RIMBP2: variants seen among roughly 807,000 people sequenced by gnomAD.
RIMBP2 encodes the protein RIMS binding protein 2.
Under a neutral mutation model 118.6 loss-of-function variants are expected in RIMBP2, and 48 were observed. The ratio of observed to expected loss-of-function variants is 0.40; its 90% CI spans 0.32 to 0.51. The LOEUF (loss-of-function observed/expected upper bound fraction) is 0.51. RIMBP2 is among the 20% of genes least tolerant of loss of function. The pLI is 0.41. For synonymous variants in RIMBP2, 762 were observed against 742.9 expected (o/e 1.03, Z -0.42); for missense variants, 1,551 against 1,768.3 (o/e 0.88, Z 2.20).
intron 5 of RIMBP2, among the ~76,000 whole-genome samples, chr12:130,478,143 G>A (rs756155070): frequency 2.0e-5 from 3 of 152,178 alleles, no homozygotes; most frequent in Non-Finnish European, 2.9e-5. Context: ...CATCACAGGT[G>A]CCCAGGAGGT....
intron 4 of RIMBP2, among the ~76,000 whole-genome samples, chr12:130,484,502 C>T (rs772986375): frequency 2.6e-5 from 4 of 152,254 alleles, no homozygotes; most frequent in Non-Finnish European, 5.9e-5. Context: ...ATCCCCAGTG[C>T]ACTGGCCGGC....
In RIMBP2 at chr12:130,576,941, G is replaced by A. The variant is rs2058128836; in HGVS notation, c.-217+51381C>T. 6.6e-6 allele frequency among the ~76,000 whole-genome samples: 1 copy of A among 152,220 alleles called. No homozygotes were observed. The highest frequency in any genetic ancestry group is 2.4e-5 in the African/African-American group (1 of 41,464). ...ACTTCTGGACAGAGATGGGGACAAA[G>A]AGAAGCGAAGGGGATGGCCCAGACC... On this transcript the variant is annotated intron_variant, in intron 2 of 22. Transcript: ENST00000690449. The surrounding 1 kb of genome is among the most constrained non-coding windows in gnomAD (Gnocchi z 4.2).
At chr12:130,503,682 C>T (rs1215081109) in intron 4 of RIMBP2, among the ~76,000 whole-genome samples, 2 of 152,178 alleles carry the variant, frequency 1.3e-5, no homozygotes, top group Non-Finnish European at 2.9e-5. Flanking sequence ...GCACGCCATG[C>T]TTTGTTTTGC....
chr12:130,401,626 A>G (rs2074584166), intron 21 of RIMBP2, among the ~76,000 whole-genome samples: 1 of 151,278 alleles, frequency 6.6e-6, no homozygotes, highest in South Asian at 2.1e-4. Flanking sequence ...TTATTAGCTT[A>G]TTTTTCTCTG....
chr12:130,476,902 G>A (rs1185953012), intron 5 of RIMBP2, among the ~76,000 whole-genome samples: 3 of 152,210 alleles, frequency 2.0e-5, no homozygotes, highest in Non-Finnish European at 2.9e-5. Context: ...CTGAATGACG[G>A]TACGACGGAG....
intron 1 of RIMBP2, among the ~76,000 whole-genome samples, chr12:130,695,388 G>A (rs1303929599): frequency 2.6e-5 from 4 of 152,192 alleles, no homozygotes; most frequent in Admixed American, 6.5e-5. Flanking sequence ...TCAGAGCTAC[G>A]TTGACAGGAT....
intron 7 of RIMBP2, among the ~76,000 whole-genome samples, chr12:130,452,820 C>T (rs781581583): frequency 6.0e-4 from 92 of 152,280 alleles, no homozygotes; most frequent in Admixed American, 2.4e-3. Context: ...CAGCAGGGGA[C>T]GGCACAGCTG....
chr12:130,397,141 A>G lies in RIMBP2; in HGVS notation c.*220T>C, dbSNP rs1427447866. On this transcript the variant is annotated 3_prime_UTR_variant, in exon 23 of 23. Coordinates refer to ENST00000690449, the MANE Select transcript of RIMBP2 (RefSeq NM_001393629.1). ...CGTCCCCTCCCACCTCCCAAATCAG[A>G]GCTTGGACAATGAGAGCAGACTGCC... 1 of 330,004 alleles carries G rather than the reference A, an allele frequency of 3.0e-6. No individual in the cohort carries two copies. The highest frequency in any genetic ancestry group is 2.1e-5 in the African/African-American group (1 of 47,268). 20.4% of individuals were successfully genotyped at this position (330,004 alleles called of 1,614,324 possible).
intron 1 of RIMBP2, among the ~76,000 whole-genome samples, chr12:130,693,163 G>A (rs987735365): frequency 2.6e-5 from 4 of 152,020 alleles, no homozygotes; most frequent in South Asian, 2.1e-4. Flanking sequence ...GGAAACACTC[G>A]TCTGTCTCCC....
At chr12:130,699,798 C>T (rs544225139) in intron 1 of RIMBP2, among the ~76,000 whole-genome samples, 21 of 148,822 alleles carry the variant, frequency 1.4e-4, no homozygotes, top group African/African-American at 2.0e-4. Flanking sequence ...CCCAGCTACT[C>T]GGGAGGCTGA....
intron 1 of RIMBP2, among the ~76,000 whole-genome samples, chr12:130,651,882 T>C (rs1333682381): frequency 1.4e-5 from 2 of 146,378 alleles, no homozygotes; most frequent in African/African-American, 4.9e-5. Context: ...AGCTTTTTGA[T>C]GTTAAAAAAA....
chr12:130,504,666 G>A (rs888138300), intron 4 of RIMBP2, among the ~76,000 whole-genome samples: 42 of 152,218 alleles, frequency 2.8e-4, no homozygotes, highest in African/African-American at 9.1e-4. Context: ...AACTGTAAGA[G>A]AATATGACTA....
At position 130,437,016 on chromosome 12, in the gene RIMBP2, C is replaced by T; in HGVS notation, c.1932G>A (p.Gln644=). 1.3e-6 allele frequency: 2 copies of T among 1,596,706 alleles called. No individual in the cohort carries two copies. The highest frequency in any genetic ancestry group is 8.5e-7 in the Non-Finnish European group (1 of 1,170,150). ...CATGCACAGGGCCAGGTGCACGGCTCTGCTCCCAGGCCTCATCCATCCTGG... is the reference window on the plus strand; with the variant it reads ...CATGCACAGGGCCAGGTGCACGGCTTTGCTCCCAGGCCTCATCCATCCTGG... ...PHARMDEAWE[Q]SRAPGPVHGH... is the part of the protein sequence containing the mutation. Residue 644 remains glutamine, a synonymous_variant, in exon 13 of 23, where the codon CAG becomes CAA. Transcript: ENST00000690449.
intron 2 of RIMBP2, among the ~76,000 whole-genome samples, chr12:130,619,958 A>G (rs761413720): frequency 2.0e-5 from 3 of 152,216 alleles, no homozygotes; most frequent in African/African-American, 4.8e-5. Flanking sequence ...CCAGGAAGAC[A>G]GAGGGCCAAC....
chr12:130,656,969 C>CTGTAA (rs1190592498), intron 1 of RIMBP2, among the ~76,000 whole-genome samples: 2 of 152,220 alleles, frequency 1.3e-5, no homozygotes, highest in African/African-American at 4.8e-5. Context: ...GTAATCATAG[C>CTGTAA]TCACTGCATT....
At chr12:130,607,200 G>A (rs529695717) in intron 2 of RIMBP2, among the ~76,000 whole-genome samples, 3 of 152,170 alleles carry the variant, frequency 2.0e-5, no homozygotes, top group Middle Eastern at 3.4e-3. Context: ...CCTTCTTCAC[G>A]TTTAATTTCT....
At chr12:130,549,276 G>A (rs946662212) in intron 2 of RIMBP2, among the ~76,000 whole-genome samples, 8 of 152,172 alleles carry the variant, frequency 5.3e-5, no homozygotes, top group Non-Finnish European at 7.4e-5. Flanking sequence ...TGCCCATCCC[G>A]GGGGAATGAT....
intron 4 of RIMBP2, among the ~76,000 whole-genome samples, chr12:130,498,427 G>A (rs1177442205): frequency 1.3e-5 from 2 of 152,220 alleles, no homozygotes; most frequent in Non-Finnish European, 2.9e-5. Flanking sequence ...TCTTGAGGAT[G>A]TTACATTTTG....
At chr12:130,513,905 G>A (rs2051172465) in intron 3 of RIMBP2, among the ~76,000 whole-genome samples, 1 of 152,244 alleles carries the variant, frequency 6.6e-6, no homozygotes, top group African/African-American at 2.4e-5. Context: ...AGTGTCTCCA[G>A]GGATCCAGAA....
Sources: gnomAD v4.1 joint callset for allele counts (sites outside exome capture counted in the v4.1 genomes callset) on GRCh38, gnomAD v4.1.1 for gene constraint, Gnocchi (gnomAD v3.1) non-coding constraint, MANE v1.5 for transcripts, NCBI Gene and HGNC (gene_info 2026-07-23, HGNC 2026-07-21) for gene names.